RSRP1: variants seen among roughly 807,000 people sequenced by gnomAD.
The protein encoded by RSRP1 is arginine/serine-rich protein 1.
In RSRP1, 37 loss-of-function variants were observed where a neutral mutation model predicts 33.0. The ratio of observed to expected loss-of-function variants is 1.12; its 90% confidence interval spans 0.86 to 1.48. The LOEUF (loss-of-function observed/expected upper bound fraction) is 1.48. Ranked by LOEUF, RSRP1 falls within the 40% of genes most tolerant of loss-of-function variation. The probability of loss-of-function intolerance (pLI) is 0.00; values close to 1 mark genes in which losing one functional copy is unlikely to be tolerated. For missense variants in RSRP1, 402 were observed against 385.3 expected (o/e 1.04, Z -0.36); for synonymous variants, 167 against 158.7 (o/e 1.05, Z -0.40).
In RSRP1 at chr1:25,287,573, A is replaced by ACAAGTT. The variant is rs1642142188; in HGVS notation, c.-66-40545_-66-40544insAACTTG. On this transcript the variant is annotated intron_variant, in intron 1 of 1. Transcript: ENST00000561867. ...TCCAGCTTGTGCCACTTGACTTGGG[A>ACAAGTT]CTGATTTGGTTCTGTTTTGAGTCCC... is the stretch of plus-strand genomic sequence containing the variant. Among the ~76,000 whole-genome samples the ACAAGTT allele has an allele frequency of 1.5e-5, 2 of 134,642 alleles. 1 individual carries two copies. Among genetic ancestry groups the ACAAGTT allele is most frequent in the African/African-American group, 5.1e-5 (2 of 38,888 alleles). 88.3% of individuals were successfully genotyped at this position (134,642 alleles called of 152,430 possible).
chr1:25,247,191 C>G, intron 1 of RSRP1, 118 bp downstream of exon 1: 1 of 486,860 alleles, frequency 2.1e-6, no homozygotes, highest in Non-Finnish European at 3.6e-6. Context: ...GCCCTGAGGC[C>G]GCGGCCTTGA....
intron 1 of RSRP1, chr1:25,301,632 G>A: frequency 1.4e-6 from 2 of 1,380,448 alleles, no homozygotes; most frequent in African/African-American, 1.4e-5. Flanking sequence ...CAGTCAGCGT[G>A]GTGACAGCCA....
At chr1:25,270,347 C>A (rs556168441) in intron 1 of RSRP1, among the ~76,000 whole-genome samples, 3 of 130,324 alleles carry the variant, frequency 2.3e-5, no homozygotes, top group African/African-American at 8.0e-5. Context: ...CCGTTAGGAA[C>A]CTGACCGCAC....
chr1:25,290,520 C>A, intron 1 of RSRP1: 1 of 917,976 alleles, frequency 1.1e-6, no homozygotes, highest in Non-Finnish European at 1.7e-6. Flanking sequence ...CTTCTATTCC[C>A]ACAGAAAGTA....
Position 25,243,964 on chromosome 1 carries a change from AG to A in RSRP1, c.673-332del, listed in dbSNP as rs1157919263. 17 of 1,151,476 alleles carry A rather than the reference AG, an allele frequency of 1.5e-5. No homozygotes were observed. In the Admixed American group the frequency reaches 1.8e-4, roughly 12 times the overall value. The allele number at this position is 1,151,476 out of a possible 1,614,324, so 71.3% of individuals were successfully genotyped here. ...GTTTTAAGAAACTAAGGCATTTGCC[AG>A]TTAGGCACCTAATCGTCTGAACAAA... On this transcript the variant is annotated intron_variant, in intron 3 of 4. Coordinates refer to ENST00000243189, the MANE Select transcript of RSRP1 (RefSeq NM_020317.5).
intron 4 of RSRP1, 54 bp downstream of exon 4, chr1:25,243,496 C>A: frequency 6.3e-7 from 1 of 1,592,378 alleles, no homozygotes; most frequent in Non-Finnish European, 8.6e-7. Context: ...CACAAAGATG[C>A]AAAAATACAT....
chr1:25,315,498 TTTC>T (rs1224136605), intron 1 of RSRP1, among the ~76,000 whole-genome samples: 2 of 121,746 alleles, frequency 1.6e-5, no homozygotes, highest in African/African-American at 6.1e-5. Flanking sequence ...CTTTTCTTTC[TTTC>T]TTTTTTTTTT....
intron 1 of RSRP1, among the ~76,000 whole-genome samples, chr1:25,273,302 A>ATTT (rs750823240): frequency 2.7e-4 from 26 of 97,774 alleles, no homozygotes; most frequent in African/African-American, 9.2e-4. Context: ...TGCCTGGCTA[A>ATTT]TTTTTTTTTT....
Position 25,244,847 on chromosome 1 carries a change from C to A in RSRP1, c.672+303G>T, listed in dbSNP as rs557586935. 23 of 1,019,768 alleles carry A rather than the reference C, an allele frequency of 2.3e-5. No homozygotes were observed. In the East Asian group the frequency reaches 1.2e-3, roughly 51 times the overall value. 63.2% of individuals were successfully genotyped at this position (1,019,768 alleles called of 1,614,324 possible). On this transcript the variant is annotated intron_variant, in intron 3 of 4. Transcript: ENST00000243189. The stretch of plus-strand genomic sequence containing the variant: ...TACAGGCATGCACCACCATGCCTGG[C>A]TAATTTTTGTATTTTTTGTAAACAC...
At chr1:25,245,451 G>C in intron 2 of RSRP1, 150 bp from the exon 3 acceptor site, 1 of 1,104,400 alleles carries the variant, frequency 9.1e-7, no homozygotes, top group African/African-American at 1.6e-5. Context: ...GGTTGCCCTT[G>C]AACACTAGTA....
Position 25,291,442 on chromosome 1 carries a change from CT to C in RSRP1, c.-66-44414del, listed in dbSNP as rs1224798693. Among the ~76,000 whole-genome samples, 3 of 130,918 alleles carry C rather than the reference CT, an allele frequency of 2.3e-5. 1 individual carries two copies. The highest frequency in any genetic ancestry group is 2.2e-4 in the Admixed American group (3 of 13,448). 85.9% of individuals were successfully genotyped at this position (130,918 alleles called of 152,430 possible). On this transcript the variant is annotated intron_variant, in intron 1 of 1. Transcript: ENST00000561867. ...CGAGATCGCGCCATTGCACTGCAGCCTGGGGGACAAGAGCAAGACTTCATCT... is the reference window on the plus strand; with the variant it reads ...CGAGATCGCGCCATTGCACTGCAGCCGGGGGACAAGAGCAAGACTTCATCT...
intron 1 of RSRP1, among the ~76,000 whole-genome samples, chr1:25,318,560 C>A (rs550970131): frequency 7.6e-6 from 1 of 131,404 alleles, no homozygotes; most frequent in East Asian, 2.0e-4. Context: ...TGCCCTCCAG[C>A]CTAGGTGACA....
chr1:25,286,029 G>A (rs1641956663), intron 1 of RSRP1, among the ~76,000 whole-genome samples: 1 of 135,308 alleles, frequency 7.4e-6, no homozygotes, highest in South Asian at 2.2e-4. Flanking sequence ...GAAGCTCAGA[G>A]AGGGCAAGGC....
Position 25,280,839 on chromosome 1 carries a change from C to T in RSRP1, c.-66-33810G>A, listed in dbSNP as rs1231035449. On this transcript the variant is annotated intron_variant, in intron 1 of 1. Coordinates refer to the RSRP1 transcript ENST00000561867. ...TTGCCTAGGCTGGTCTTGAACTCCT[C>T]AGCTCAAGCAATCCTCCCTCCTTGG... is the stretch of plus-strand genomic sequence containing the variant. 2.1e-4 allele frequency among the ~76,000 whole-genome samples: 28 copies of T among 131,462 alleles called. 5 individuals are homozygous for T. In the South Asian group the frequency reaches 4.2e-3, roughly 20 times the overall value. The allele number at this position is 131,462 out of a possible 152,430, so 86.2% of individuals were successfully genotyped here. A position where few individuals can be genotyped will look rare whatever the true frequency, so the allele number is the denominator to read the frequency against.
At position 25,300,921 on chromosome 1, in the gene RSRP1, C is replaced by G. The variant is rs745705904; in HGVS notation, c.-67+37057G>C. ...CCCGGGCAGAGGATGCCGACACTCA[C>G]TGCTCTTACTGGGTTTTATTGCAGA... On this transcript the variant is annotated intron_variant, in intron 1 of 1. Coordinates refer to the RSRP1 transcript ENST00000561867. The G allele has an allele frequency of 5.1e-6, 7 of 1,372,854 alleles. 2 individuals carry two copies. In the South Asian group the frequency reaches 5.9e-5, roughly 12 times the overall value. 85.0% of individuals were successfully genotyped at this position (1,372,854 alleles called of 1,614,324 possible).
At chr1:25,249,224 T>TTAAAGG (rs879799388), upstream of RSRP1, among the ~76,000 whole-genome samples, 94 of 152,214 alleles carry the variant, frequency 6.2e-4, no homozygotes, top group African/African-American at 2.2e-3. Flanking sequence ...GGAACTAAAG[T>TTAAAGG]ATACTTACGA....
intron 1 of RSRP1, among the ~76,000 whole-genome samples, chr1:25,257,340 T>C (rs1639980255): frequency 6.6e-6 from 1 of 152,222 alleles, no homozygotes. Context: ...AAACTTGTTC[T>C]TACTCTACCC....
At chr1:25,278,381 T>C (rs1177545014) in intron 1 of RSRP1, among the ~76,000 whole-genome samples, 1 of 130,544 alleles carries the variant, frequency 7.7e-6, no homozygotes, top group East Asian at 2.0e-4. Flanking sequence ...AATTACCTAT[T>C]GCTGCATAAC....
intron 4 of RSRP1, among the ~76,000 whole-genome samples, chr1:25,242,945 C>T (rs780486543): frequency 6.6e-6 from 1 of 152,060 alleles, no homozygotes; most frequent in Non-Finnish European, 1.5e-5. Flanking sequence ...CAAAAATTAG[C>T]CGGGCGTGGT....
Sources: gnomAD v4.1 joint callset for allele counts (sites outside exome capture counted in the v4.1 genomes callset) on GRCh38, gnomAD v4.1.1 for gene constraint, MANE v1.5 for transcripts, NCBI Gene and HGNC (gene_info 2026-07-23, HGNC 2026-07-21) for gene names.